CELA3B: variants seen among roughly 807,000 people sequenced by gnomAD.
CELA3B encodes chymotrypsin-like elastase family member 3B.
In CELA3B, 34 loss-of-function variants were observed where a neutral mutation model predicts 37.2. That is an observed-to-expected ratio of 0.91 (90% CI 0.70 to 1.22). The LOEUF (loss-of-function observed/expected upper bound fraction) is 1.22. Among genes scored for constraint, CELA3B ranks in the 50% most tolerant of loss-of-function variants. The pLI is 0.00. For synonymous variants in CELA3B, 127 were observed against 143.5 expected, an observed-to-expected ratio of 0.89 and a Z score of 0.82; for missense variants, 340 against 363.1, an observed-to-expected ratio of 0.94 and a Z score of 0.52.
At chr1:21,989,571 A>T (rs1294939582), downstream of CELA3B, among the ~76,000 whole-genome samples, 1 of 146,734 alleles carries the variant, frequency 6.8e-6, no homozygotes, top group Non-Finnish European at 1.5e-5. Context: ...TAATGCTAAA[A>T]CTGGGAAGGT....
rs569904509 is a variant in CELA3B, at chr1:21,984,482, G to A, written c.642+151G>A. 3.3e-5 allele frequency: 36 copies of A among 1,077,158 alleles called. No individual in the cohort carries two copies. In the African/African-American group the frequency reaches 5.5e-4, roughly 16 times the overall value. 66.7% of individuals were successfully genotyped at this position (1,077,158 alleles called of 1,614,324 possible). A position where few individuals can be genotyped will look rare whatever the true frequency, so the allele number is the denominator to read the frequency against. ...ACTTGGAGGAAATCAGCGCAGTCCA[G>A]ACACAGAGCCCAGGCCTGGGAGTCA... On this transcript the variant is annotated intron_variant, in intron 6 of 7. Coordinates refer to ENST00000337107, the MANE Select transcript of CELA3B (RefSeq NM_007352.4).
chr1:21,994,421 T>A (rs187997675), intron 4 of CELA3B, among the ~76,000 whole-genome samples: 1 of 151,026 alleles, frequency 6.6e-6, no homozygotes, highest in East Asian at 2.0e-4. Flanking sequence ...GAGGGAGCTG[T>A]ACTAATCTCT....
chr1:21,989,141 A>C, intron 7 of CELA3B, 121 bp from the exon 8 acceptor site: 1 of 1,585,056 alleles, frequency 6.3e-7, no homozygotes. Flanking sequence ...ACTGAGGCTC[A>C]GAGAGGTCAA....
chr1:21,996,717 C>T (rs1252452033), intron 4 of CELA3B, among the ~76,000 whole-genome samples: 2 of 151,060 alleles, frequency 1.3e-5, no homozygotes, highest in African/African-American at 4.9e-5. Flanking sequence ...TGGCACTGGC[C>T]GTGGGGAAAG....
At chr1:21,986,212 T>C (rs1644837678) in intron 6 of CELA3B, among the ~76,000 whole-genome samples, 1 of 151,058 alleles carries the variant, frequency 6.6e-6, no homozygotes, top group South Asian at 2.1e-4. Context: ...CTATTAAATA[T>C]ACAAAAATTA....
At chr1:21,993,830 C>T (rs1255407816), downstream of CELA3B, among the ~76,000 whole-genome samples, 1 of 146,180 alleles carries the variant, frequency 6.8e-6, no homozygotes, top group South Asian at 2.2e-4. Context: ...CAGGTGTGAG[C>T]CACTGCACCT....
chr1:21,982,293 A>G lies in CELA3B; in HGVS notation c.362+1121A>G, dbSNP rs114250548. On this transcript the variant is annotated intron_variant, in intron 4 of 7. Transcript: ENST00000337107. ...TGGTACCTGGGCTGGCAGTATCAGC[A>G]TCACCTGGGAACCTGCAGCAATGTG... Among the ~76,000 whole-genome samples, 915 of 152,136 alleles carry G rather than the reference A, an allele frequency of 6.0e-3. 12 individuals carry two copies. The highest frequency in any genetic ancestry group is 0.021 in the African/African-American group (883 of 41,522).
chr1:21,984,287 A>C lies in CELA3B; in HGVS notation c.598A>C (p.Lys200Gln). 6.2e-7 allele frequency: 1 copy of C among 1,614,156 alleles called. No homozygotes were observed. The highest frequency in any genetic ancestry group is 8.5e-7 in the Non-Finnish European group (1 of 1,180,034). ...GAACTGGTGGGGTTCCTCCGTGAAG[A>C]AGACCATGGTGTGTGCTGGAGGGGA... ...RWNWWGSSVKKTMVCAGGDIR... is the reference protein window; with the variant it reads ...RWNWWGSSVKQTMVCAGGDIR... The change falls in exon 6 of 8, where the codon AAG becomes CAG. Residue 200 changes from lysine (K) to glutamine (Q), a missense_variant. Coordinates refer to ENST00000337107, the MANE Select transcript of CELA3B (RefSeq NM_007352.4).
intron 7 of CELA3B, chr1:21,987,383 C>G (rs200451738): frequency 6.0e-6 from 1 of 167,368 alleles, no homozygotes. Flanking sequence ...ACCTGGGAGA[C>G]GGAGGTTGCA....
chr1:21,987,163 A>G (rs1480636042), intron 7 of CELA3B, among the ~76,000 whole-genome samples: 4 of 151,142 alleles, frequency 2.6e-5, no homozygotes, highest in Non-Finnish European at 5.9e-5. Flanking sequence ...GAAAAAAAAA[A>G]AGAGTAATAG....
intron 4 of CELA3B, among the ~76,000 whole-genome samples, chr1:21,997,663 TG>T (rs1417981633): frequency 3.4e-5 from 5 of 147,886 alleles, no homozygotes; most frequent in Non-Finnish European, 7.5e-5. Context: ...CACTCCAGCC[TG>T]GGGGACAAGA....
chr1:21,981,510 C>T (rs1569838540), intron 4 of CELA3B, among the ~76,000 whole-genome samples: 3 of 151,662 alleles, frequency 2.0e-5, no homozygotes, highest in South Asian at 4.2e-4. Flanking sequence ...GATGGCTCAC[C>T]CAGTGCATCC....
At chr1:21,995,033 T>G (rs1644884576) in intron 4 of CELA3B, among the ~76,000 whole-genome samples, 1 of 148,952 alleles carries the variant, frequency 6.7e-6, no homozygotes. Flanking sequence ...AAATCCTAAT[T>G]GTTTCACTTA....
intron 6 of CELA3B, among the ~76,000 whole-genome samples, chr1:21,985,452 A>T (rs1644831740): frequency 6.6e-6 from 1 of 151,926 alleles, no homozygotes; most frequent in Non-Finnish European, 1.5e-5. Context: ...TAATTTTAAA[A>T]TTTTTTGTAG....
intron 7 of CELA3B, among the ~76,000 whole-genome samples, chr1:21,988,814 C>A (rs1370450833): frequency 6.6e-6 from 1 of 151,768 alleles, no homozygotes; most frequent in East Asian, 1.9e-4. Flanking sequence ...GGCATGAACC[C>A]AAGAGGTGGA....
chr1:21,989,093 G>C (rs1394204658), intron 7 of CELA3B, among the ~76,000 whole-genome samples, 169 bp from the exon 8 acceptor site: 1 of 151,926 alleles, frequency 6.6e-6, no homozygotes, highest in Non-Finnish European at 1.5e-5. Flanking sequence ...CCCCCATGAG[G>C]TAAGTTCTAT....
rs569486726 is a variant in CELA3B, at chr1:21,983,704, G to A, written c.373G>A (p.Ala125Thr). The A allele has an allele frequency of 8.1e-6, 13 of 1,613,888 alleles. No homozygotes were observed. Among genetic ancestry groups the A allele is most frequent in the African/African-American group, 4.0e-5 (3 of 75,014 alleles). Reference protein sequence around the residue: ...RSCVACGNDIALIKLSRSAQL... With the variant: ...RSCVACGNDITLIKLSRSAQL... The stretch of plus-strand genomic sequence containing the variant: ...TTCCCTCCTCCCCAGCAATGACATC[G>A]CCCTCATCAAGCTCTCACGCAGCGC... The change falls in exon 5 of 8, where the codon GCC (alanine) becomes ACC (threonine). Residue 125 changes from alanine to threonine, a missense_variant. Transcript: ENST00000337107.
chr1:21,988,825 G>C (rs111414053), intron 7 of CELA3B, among the ~76,000 whole-genome samples: 12,733 of 150,832 alleles, frequency 0.084, 1,036 homozygotes, highest in African/African-American at 0.2. Flanking sequence ...AAGAGGTGGA[G>C]GTTGCGGTGA....
rs66459906 is a variant in CELA3B, at chr1:21,979,453, CTTTTTT to C, written c.129+1011_129+1016del. Among the ~76,000 whole-genome samples, 6 of 85,450 alleles carry C rather than the reference CTTTTTT, an allele frequency of 7.0e-5. No homozygotes were observed. The Admixed American group carries it at 8.2e-4, about 12-fold the overall frequency. 56.1% of individuals were successfully genotyped at this position (85,450 alleles called of 152,430 possible). ...TTCTTTTTTTCTTTTCTTTTCTTTT[CTTTTTT>C]TTTTTTTTTTTGAGACAGGGTCTTG... On this transcript the variant is annotated intron_variant, in intron 2 of 7. Coordinates refer to ENST00000337107, the MANE Select transcript of CELA3B (RefSeq NM_007352.4).
Sources: gnomAD v4.1 joint callset for allele counts (sites outside exome capture counted in the v4.1 genomes callset) on GRCh38, gnomAD v4.1.1 for gene constraint, MANE v1.5 for transcripts, NCBI Gene and HGNC (gene_info 2026-07-23, HGNC 2026-07-21) for gene names.